The following CADM2 variants were observed in gnomAD, a reference collection of about 807,000 sequenced individuals.
CADM2 encodes cell adhesion molecule 2.
Under a neutral mutation model 49.8 loss-of-function variants are expected in CADM2, and 12 were observed. The observed-to-expected ratio is 0.24, with a 90% CI of 0.15 to 0.39. The LOEUF is 0.39. Among genes scored for constraint, CADM2 ranks in the 10% least tolerant of loss-of-function variants. The probability of loss-of-function intolerance (pLI) is 1.00; values close to 1 mark genes in which losing one functional copy is unlikely to be tolerated. For synonymous variants in CADM2, 214 were observed against 175.4 expected, an observed-to-expected ratio of 1.22 and a Z score of -1.74; for missense variants, 378 against 492.3, an observed-to-expected ratio of 0.77 and a Z score of 2.20.
intron 1 of CADM2, among the ~76,000 whole-genome samples, chr3:85,572,523 TG>T (rs1205665452): frequency 1.3e-5 from 2 of 152,092 alleles, no homozygotes; most frequent in Non-Finnish European, 2.9e-5. Flanking sequence ...TGCATGATTA[TG>T]GAAGCTGAGA....
intron 8 of CADM2, among the ~76,000 whole-genome samples, chr3:85,999,247 C>G (rs1729818056): frequency 6.6e-6 from 1 of 150,576 alleles, no homozygotes; most frequent in South Asian, 2.1e-4. Context: ...ACCTGTAATC[C>G]CATCACTTTG....
chr3:85,751,906 G>A (rs572819122), intron 2 of CADM2, among the ~76,000 whole-genome samples: 3 of 152,028 alleles, frequency 2.0e-5, no homozygotes, highest in Non-Finnish European at 4.4e-5. Flanking sequence ...TCTGACAATA[G>A]TAGTATGAGA....
At chr3:85,785,441 T>A (rs922076392) in intron 2 of CADM2, among the ~76,000 whole-genome samples, 2 of 152,128 alleles carry the variant, frequency 1.3e-5, no homozygotes, top group Middle Eastern at 3.2e-3. Flanking sequence ...TCAGCAGATA[T>A]ACTAAGCAGA....
chr3:85,776,336 TAC>T (rs141105558), intron 2 of CADM2, among the ~76,000 whole-genome samples: 3,839 of 145,932 alleles, frequency 0.026, 60 homozygotes, highest in South Asian at 0.034. Flanking sequence ...CAAACTCTCT[TAC>T]ACACACACAC....
At chr3:85,404,155 G>C (rs1011482701) in intron 1 of CADM2, among the ~76,000 whole-genome samples, 2 of 151,982 alleles carry the variant, frequency 1.3e-5, no homozygotes, top group Non-Finnish European at 1.5e-5. Flanking sequence ...GCTTGAATTT[G>C]CCTTGGAATG....
chr3:85,800,885 T>G (rs2071980892), intron 2 of CADM2: 1 of 152,240 alleles, frequency 6.6e-6, no homozygotes, highest in Admixed American at 6.5e-5. Context: ...GGTAATAAGA[T>G]TCTTACGCCA....
intron 5 of CADM2, among the ~76,000 whole-genome samples, chr3:85,909,373 C>A (rs977047290): frequency 1.4e-5 from 2 of 146,978 alleles, no homozygotes; most frequent in African/African-American, 5.0e-5. Flanking sequence ...ATATATAGGA[C>A]GTGCATATTT....
At chr3:85,190,648 G>A (rs2107723641) in intron 1 of CADM2, among the ~76,000 whole-genome samples, 1 of 152,204 alleles carries the variant, frequency 6.6e-6, no homozygotes, top group South Asian at 2.1e-4. Context: ...CCCTTTTAGA[G>A]GTGACAGATA....
intron 1 of CADM2, among the ~76,000 whole-genome samples, chr3:85,684,144 C>A (rs555751144): frequency 2.6e-5 from 4 of 152,306 alleles, no homozygotes; most frequent in East Asian, 1.9e-4. Flanking sequence ...TGTTATAAAT[C>A]TTTCTAATAA....
At chr3:85,122,005 C>A (rs1386084005) in intron 1 of CADM2, among the ~76,000 whole-genome samples, 1 of 151,950 alleles carries the variant, frequency 6.6e-6, no homozygotes, top group Non-Finnish European at 1.5e-5. Context: ...AATCTTTTCA[C>A]TTTTACATTT....
At chr3:85,485,194 A>G (rs897308006) in intron 1 of CADM2, among the ~76,000 whole-genome samples, 2 of 151,974 alleles carry the variant, frequency 1.3e-5, no homozygotes, top group African/African-American at 4.8e-5. Flanking sequence ...AAGGAATCAG[A>G]CAAGTATCTA....
intron 1 of CADM2, among the ~76,000 whole-genome samples, chr3:85,528,255 G>A (rs1478711866): frequency 6.6e-6 from 1 of 152,008 alleles, no homozygotes; most frequent in Non-Finnish European, 1.5e-5. Flanking sequence ...TACCTATGTG[G>A]TTTTCTGAGG....
chr3:85,809,755 C>CCTCCTCT (rs2072716164), intron 3 of CADM2, among the ~76,000 whole-genome samples: 1 of 80,440 alleles, frequency 1.2e-5, no homozygotes, highest in African/African-American at 9.5e-5. Flanking sequence ...TCTCTCCCTC[C>CCTCCTCT]CTCCCTCCCT....
At chr3:85,310,791 A>G (rs763478293) in intron 1 of CADM2, among the ~76,000 whole-genome samples, 6 of 152,204 alleles carry the variant, frequency 3.9e-5, no homozygotes, top group African/African-American at 1.4e-4. Context: ...AAATTTTTAC[A>G]TCACCAATTC....
intron 1 of CADM2, among the ~76,000 whole-genome samples, chr3:85,225,624 C>T (rs985039278): frequency 2.6e-5 from 4 of 152,326 alleles, no homozygotes; most frequent in Non-Finnish European, 2.9e-5. Context: ...CTGGCAAGAA[C>T]TTCCAATACT....
intron 1 of CADM2, among the ~76,000 whole-genome samples, chr3:85,028,493 T>A (rs372811566): frequency 9.8e-5 from 15 of 152,286 alleles, no homozygotes; most frequent in African/African-American, 3.4e-4. Flanking sequence ...AAAAAAATTG[T>A]ATAATTTACC....
chr3:85,389,457 T>C lies in CADM2; in HGVS notation c.62-337065T>C, dbSNP rs143273392. On this transcript the variant is annotated intron_variant, in intron 1 of 9. Coordinates refer to ENST00000383699, the MANE Select transcript of CADM2 (RefSeq NM_001167675.2). ...AAGTGGCCCGTATAGCTGTTGATAA[T>C]GAGCTAGCTAATTTATTATGTTATT... Among the ~76,000 whole-genome samples the C allele has an allele frequency of 5.0e-3, 760 of 152,194 alleles. 7 individuals are homozygous for C. Among genetic ancestry groups the C allele is most frequent in the African/African-American group, 0.017 (703 of 41,556 alleles).
chr3:85,066,029 G>C (rs1464779883), intron 1 of CADM2, among the ~76,000 whole-genome samples: 2 of 152,126 alleles, frequency 1.3e-5, no homozygotes, highest in African/African-American at 2.4e-5. Flanking sequence ...GTGGATGAGA[G>C]TGGGGATGGT....
intron 1 of CADM2, among the ~76,000 whole-genome samples, chr3:85,072,111 T>C (rs2036769445): frequency 1.3e-5 from 2 of 151,706 alleles, no homozygotes. Flanking sequence ...TATTAAATGA[T>C]TATTTCCAAA....
Sources: allele counts gnomAD v4.1 joint callset (sites outside exome capture counted in the v4.1 genomes callset), GRCh38; gene constraint gnomAD v4.1.1; transcripts MANE v1.5; gene names NCBI Gene and HGNC (gene_info 2026-07-23, HGNC 2026-07-21).